The following OPCML variants were observed in gnomAD, a reference collection of about 807,000 sequenced individuals.
The protein encoded by OPCML is opioid-binding protein/cell adhesion molecule.
In OPCML, 13 loss-of-function variants were observed where a neutral mutation model predicts 37.8. The ratio of observed to expected loss-of-function variants is 0.34; its 90% confidence interval spans 0.22 to 0.55. The LOEUF is 0.55. Among genes scored for constraint, OPCML ranks in the 20% least tolerant of loss-of-function variants. The probability of loss-of-function intolerance (pLI) is 0.91; values close to 1 mark genes in which losing one functional copy is unlikely to be tolerated. For synonymous variants in OPCML, 176 were observed against 168.8 expected, an observed-to-expected ratio of 1.04 and a Z score of -0.33; for missense variants, 341 against 435.6, an observed-to-expected ratio of 0.78 and a Z score of 1.93.
intron 3 of OPCML, among the ~76,000 whole-genome samples, chr11:132,578,108 G>C (rs1332191558): frequency 6.6e-6 from 1 of 152,146 alleles, no homozygotes; most frequent in African/African-American, 2.4e-5. Context: ...AGTTATGTAT[G>C]CATGAATGCC....
At chr11:132,526,907 G>A (rs962621824) in intron 4 of OPCML, among the ~76,000 whole-genome samples, 4 of 151,902 alleles carry the variant, frequency 2.6e-5, no homozygotes, top group African/African-American at 9.7e-5. Context: ...CCTACCCTAG[G>A]TAACCACTGA....
chr11:133,320,765 G>A (rs1480294495), intron 1 of OPCML, among the ~76,000 whole-genome samples: 3 of 152,160 alleles, frequency 2.0e-5, no homozygotes, highest in Non-Finnish European at 2.9e-5. Context: ...ATTTAGAATT[G>A]GATGGTTTTC....
intron 1 of OPCML, among the ~76,000 whole-genome samples, chr11:133,443,746 T>G (rs1005484408): frequency 6.6e-6 from 1 of 152,194 alleles, no homozygotes; most frequent in Admixed American, 6.5e-5. Context: ...TGAGCCTCTG[T>G]CCTAGCTATT....
At chr11:133,249,045 T>G (rs977161044) in intron 1 of OPCML, among the ~76,000 whole-genome samples, 1 of 152,212 alleles carries the variant, frequency 6.6e-6, no homozygotes, top group African/African-American at 2.4e-5. Context: ...TTCAGTTTCT[T>G]TTGCTGAACT....
At chr11:133,395,319 A>G (rs150725560) in intron 1 of OPCML, among the ~76,000 whole-genome samples, 1 of 152,048 alleles carries the variant, frequency 6.6e-6, no homozygotes, top group African/African-American at 2.4e-5. Flanking sequence ...CCGTCCTGTG[A>G]GTTATCTCTA....
At chr11:133,504,532 C>T (rs1325378744) in intron 1 of OPCML, among the ~76,000 whole-genome samples, 2 of 152,176 alleles carry the variant, frequency 1.3e-5, no homozygotes, top group African/African-American at 2.4e-5. Context: ...TGCCCCGCTT[C>T]CATAACAGAC....
Position 133,208,012 on chromosome 11 carries a change from G to A in OPCML, c.62-265002C>T, listed in dbSNP as rs776545140. On this transcript the variant is annotated intron_variant, in intron 1 of 7. Transcript: ENST00000524381. This position sits in a 1 kb window ranked among gnomAD's most constrained non-coding sequence, Gnocchi z 8.9. Reference sequence around the variant, plus strand: ...TAGCACCTCTACGCTTTGTAATTAAGAACTCAAACTGCATTTAACCACCCT... The same window carrying A: ...TAGCACCTCTACGCTTTGTAATTAAAAACTCAAACTGCATTTAACCACCCT... Among the ~76,000 whole-genome samples the A allele has an allele frequency of 1.3e-5, 2 of 152,054 alleles. No individual in the cohort carries two copies. Among genetic ancestry groups the A allele is most frequent in the Non-Finnish European group, 2.9e-5 (2 of 68,014 alleles).
chr11:132,472,238 C>T (rs1318807913), intron 4 of OPCML, among the ~76,000 whole-genome samples: 1 of 152,226 alleles, frequency 6.6e-6, no homozygotes, highest in Non-Finnish European at 1.5e-5. Context: ...CATTATTAGA[C>T]TCTAAGACCT....
chr11:133,503,976 A>C (rs1947973459), intron 1 of OPCML, among the ~76,000 whole-genome samples: 1 of 152,164 alleles, frequency 6.6e-6, no homozygotes. Context: ...AGGACAAGAG[A>C]GCTCCAGATT....
rs1475412006 is a variant in OPCML, at chr11:133,141,051, A to AGACGAAGACGAAGACGAAGAC, written c.62-198042_62-198041insGTCTTCGTCTTCGTCTTCGTC. On this transcript the variant is annotated intron_variant, in intron 1 of 7. Transcript: ENST00000524381. Reference sequence around the variant, plus strand: ...ACGACGACGACGACGACGACGACGAAGAAGAAGAAGAAGAAGAAGAAGAAG... The same window carrying AGACGAAGACGAAGACGAAGAC: ...ACGACGACGACGACGACGACGACGAAGACGAAGACGAAGACGAAGACGAAGAAGAAGAAGAAGAAGAAGAAG... Among the ~76,000 whole-genome samples, 33 of 53,694 alleles carry AGACGAAGACGAAGACGAAGAC rather than the reference A, an allele frequency of 6.1e-4. 11 individuals are homozygous for AGACGAAGACGAAGACGAAGAC. Among genetic ancestry groups the AGACGAAGACGAAGACGAAGAC allele is most frequent in the Admixed American group, 1.6e-3 (6 of 3,870 alleles). 35.2% of individuals were successfully genotyped at this position (53,694 alleles called of 152,430 possible). A position where few individuals can be genotyped will look rare whatever the true frequency, so the allele number is the denominator to read the frequency against.
chr11:133,479,141 G>A (rs1947317413), intron 1 of OPCML, among the ~76,000 whole-genome samples: 1 of 152,180 alleles, frequency 6.6e-6, no homozygotes, highest in Non-Finnish European at 1.5e-5. Flanking sequence ...GTGTTTCTCA[G>A]TTGGTCCATG....
rs183661041 is a variant in OPCML, at chr11:133,055,902, C to T, written c.62-112892G>A. Among the ~76,000 whole-genome samples the T allele has an allele frequency of 1.5e-3, 215 of 143,798 alleles. 2 individuals carry two copies. The highest frequency in any genetic ancestry group is 5.3e-3 in the African/African-American group (198 of 37,714). 94.3% of individuals were successfully genotyped at this position (143,798 alleles called of 152,430 possible). A position where few individuals can be genotyped will look rare whatever the true frequency, so the allele number is the denominator to read the frequency against. On this transcript the variant is annotated intron_variant, in intron 1 of 7. Transcript: ENST00000524381. Reference sequence around the variant, plus strand: ...AAGTGGTGAGACCCCGTGAGGGAGACGCCTCTACTGTACAATGCTGCCTCC... The same window carrying T: ...AAGTGGTGAGACCCCGTGAGGGAGATGCCTCTACTGTACAATGCTGCCTCC...
intron 1 of OPCML, among the ~76,000 whole-genome samples, chr11:132,976,239 C>T (rs1344068607): frequency 6.6e-6 from 1 of 152,086 alleles, no homozygotes; most frequent in Admixed American, 6.6e-5. Flanking sequence ...TTGTTCTGTT[C>T]TTACGAAGGG....
At chr11:132,565,760 C>CGGT (rs1444193958) in intron 3 of OPCML, among the ~76,000 whole-genome samples, 2 of 152,188 alleles carry the variant, frequency 1.3e-5, no homozygotes, top group Non-Finnish European at 2.9e-5. Context: ...TGACTGGGCA[C>CGGT]GGTGGCTCAA....
chr11:133,278,592 G>A (rs1942056539), intron 1 of OPCML, among the ~76,000 whole-genome samples: 1 of 152,042 alleles, frequency 6.6e-6, no homozygotes, highest in African/African-American at 2.4e-5. Context: ...GCATATATAA[G>A]AGGAGGAGAT....
chr11:132,682,719 G>T (rs913149680), intron 2 of OPCML, among the ~76,000 whole-genome samples: 6 of 152,162 alleles, frequency 3.9e-5, no homozygotes, highest in Non-Finnish European at 8.8e-5. Context: ...CCTGTGTAAA[G>T]GACCCATCTC....
intron 7 of OPCML, among the ~76,000 whole-genome samples, chr11:132,421,539 G>A (rs188837428): frequency 8.4e-4 from 128 of 152,322 alleles, no homozygotes; most frequent in South Asian, 1.2e-3. Flanking sequence ...CTTTGGGAAA[G>A]TCACGTCTCT....
rs117264007 is a variant in OPCML, at chr11:132,611,369, T to A, written c.379+45718A>T. 8.8e-3 allele frequency among the ~76,000 whole-genome samples: 1,338 copies of A among 152,282 alleles called. 16 individuals carry two copies. Among genetic ancestry groups the A allele is most frequent in the Non-Finnish European group, 0.016 (1,088 of 68,020 alleles). On this transcript the variant is annotated intron_variant, in intron 3 of 7. Coordinates refer to ENST00000524381, the MANE Select transcript of OPCML (RefSeq NM_001012393.5). Reference sequence around the variant, plus strand: ...CCAATCCACTGCCGTTCAGTTCCAATCCTCACTTCTCCACACAGCTTCCTG... The same window carrying A: ...CCAATCCACTGCCGTTCAGTTCCAAACCTCACTTCTCCACACAGCTTCCTG...
At chr11:132,930,877 C>T (rs1945176467) in intron 2 of OPCML, among the ~76,000 whole-genome samples, 1 of 151,984 alleles carries the variant, frequency 6.6e-6, no homozygotes, top group South Asian at 2.1e-4. Context: ...AAAATATAAA[C>T]AAAGTTAGTG....
Sources: allele counts gnomAD v4.1 joint callset (sites outside exome capture counted in the v4.1 genomes callset), GRCh38; gene constraint gnomAD v4.1.1; non-coding constraint Gnocchi (gnomAD v3.1); transcripts MANE v1.5; gene names NCBI Gene and HGNC (gene_info 2026-07-23, HGNC 2026-07-21).